Variants in LPO observed in about 807,000 individuals in gnomAD.
LPO encodes lactoperoxidase.
Under a neutral mutation model 68.4 loss-of-function variants are expected in LPO, and 70 were observed. The ratio of observed to expected loss-of-function variants is 1.02; its 90% CI spans 0.84 to 1.25. The LOEUF (loss-of-function observed/expected upper bound fraction) is 1.25, where lower values mean the gene tolerates loss of function less well. Among genes scored for constraint, LPO ranks in the 50% most tolerant of loss-of-function variants. LPO has a pLI of 0.00. For synonymous variants in LPO, 360 were observed against 357.6 expected (o/e 1.01, Z -0.08); for missense variants, 873 against 908.4 (o/e 0.96, Z 0.50).
intron 9 of LPO, among the ~76,000 whole-genome samples, chr17:58,263,269 T>G (rs995505331): frequency 4.5e-4 from 69 of 152,388 alleles, no homozygotes; most frequent in African/African-American, 1.6e-3. Context: ...TTATAATGGC[T>G]GCTTTTAAAA....
chr17:58,239,574 G>A (rs1969717021), intron 1 of LPO, among the ~76,000 whole-genome samples: 1 of 151,868 alleles, frequency 6.6e-6, no homozygotes, highest in South Asian at 2.1e-4. Context: ...TTTCCTATTG[G>A]CTCACTCCAC....
chr17:58,266,694 C>A (rs575326572), intron 11 of LPO, among the ~76,000 whole-genome samples: 2 of 152,174 alleles, frequency 1.3e-5, no homozygotes, highest in Non-Finnish European at 1.5e-5. Context: ...TGGGCTCAAG[C>A]AATCTCCCAC....
chr17:58,264,970 A>G lies in LPO; in HGVS notation c.1515A>G (p.Lys505=), dbSNP rs777674692. The G allele has an allele frequency of 2.2e-5, 35 of 1,614,012 alleles. No homozygotes were observed. In the South Asian group the frequency reaches 3.6e-4, roughly 17 times the overall value. ...TLFFNTWRMV[K]DGGIDPLVRG... ...TCTTCAACACTTGGAGGATGGTCAA[A>G]GATGGTATGCCCTTTCAGGGAAGTG... Residue 505 remains lysine, a synonymous_variant, in exon 10 of 13, where the codon AAA becomes AAG. Transcript: ENST00000262290.
chr17:58,265,002 C>T (rs981005888), intron 10 of LPO, 28 bp downstream of exon 10: 10 of 1,610,456 alleles, frequency 6.2e-6, no homozygotes, highest in Non-Finnish European at 6.8e-6. Flanking sequence ...AGTGCTGTCA[C>T]CTGGGTCTCC....
Position 58,244,704 on chromosome 17 carries a change from A to G in LPO, c.164+623A>G, listed in dbSNP as rs988546705. ...CAGTCAGACATGGCTGCAGGCTTGCAGGTGGCTGAGAGGTGTTGTGGCACA... is the reference window on the plus strand; with the variant it reads ...CAGTCAGACATGGCTGCAGGCTTGCGGGTGGCTGAGAGGTGTTGTGGCACA... On this transcript the variant is annotated intron_variant, in intron 3 of 12. Coordinates refer to ENST00000262290, the MANE Select transcript of LPO (RefSeq NM_006151.3). Among the ~76,000 whole-genome samples the G allele has an allele frequency of 3.3e-5, 5 of 152,244 alleles. No individual in the cohort carries two copies. The South Asian group carries it at 1.0e-3, about 31-fold the overall frequency.
intron 9 of LPO, among the ~76,000 whole-genome samples, chr17:58,263,055 T>C (rs1393697590): frequency 6.6e-6 from 1 of 152,252 alleles, no homozygotes; most frequent in African/African-American, 2.4e-5. Flanking sequence ...GTTGTTCAGA[T>C]TGAGTAAATT....
In LPO at chr17:58,243,995, G is replaced by T. The variant is rs530954271; in HGVS notation, c.78G>T (p.Ala26=). 3.1e-6 allele frequency: 5 copies of T among 1,613,088 alleles called. No homozygotes were observed. Among genetic ancestry groups the T allele is most frequent in the Non-Finnish European group, 4.2e-6 (5 of 1,179,394 alleles). The change falls in exon 3 of 13, where the codon GCG becomes GCT. Residue 26 remains alanine (A), a splice_region_variant and synonymous_variant. Coordinates refer to ENST00000262290, the MANE Select transcript of LPO (RefSeq NM_006151.3). ...CCTGCTCCCCACTCCAACCCCAAGC[G>T]CAGACTACCAGAACCTCTGCCATCT... ...LLQAAASTTR[A]QTTRTSAISD...
chr17:58,267,753 A>C, intron 12 of LPO, 34 bp from the exon 13 acceptor site: 1 of 1,597,776 alleles, frequency 6.3e-7, no homozygotes, highest in Non-Finnish European at 8.6e-7. Flanking sequence ...GCCAGCGGCC[A>C]GACTGTGGAG....
intron 8 of LPO, among the ~76,000 whole-genome samples, chr17:58,253,101 C>G (rs1464330139): frequency 1.3e-5 from 2 of 151,250 alleles, no homozygotes; most frequent in Non-Finnish European, 2.9e-5. Context: ...TCCCACTACC[C>G]ACCAATAATC....
chr17:58,247,407 C>A, intron 3 of LPO, 71 bp from the exon 4 acceptor site: 1 of 1,435,054 alleles, frequency 7.0e-7, no homozygotes, highest in East Asian at 2.4e-5. Context: ...ACACCCCTCC[C>A]ACCCCTCCAG....
Position 58,250,559 on chromosome 17 carries a change from G to C in LPO, c.718G>C (p.Glu240Gln), listed in dbSNP as rs150076343. 60 of 1,613,978 alleles carry C rather than the reference G, an allele frequency of 3.7e-5. No individual in the cohort carries two copies. The highest frequency in any genetic ancestry group is 4.5e-5 in the Non-Finnish European group (53 of 1,180,024). ...CCCTGACACCGAGCTGGGGAGTAGCGAGTACTCCAAAGCCCAGTGTGATGA... is the reference window on the plus strand; with the variant it reads ...CCCTGACACCGAGCTGGGGAGTAGCCAGTACTCCAAAGCCCAGTGTGATGA... ...FAPDTELGSS[E>Q]YSKAQCDEYC... Residue 240 changes from glutamate (E) to glutamine (Q), a missense_variant, in exon 7 of 13, where the codon GAG becomes CAG. Physicochemically the swap from Glu to Gln is conservative, Grantham distance 29. Transcript: ENST00000262290.
intron 5 of LPO, 150 bp downstream of exon 5, chr17:58,249,327 C>G: frequency 1.0e-5 from 9 of 877,452 alleles, no homozygotes; most frequent in Non-Finnish European, 1.5e-5. Context: ...CTCAAGATCG[C>G]GCGTCTCCAG....
chr17:58,239,738 C>A (rs1346408127), intron 1 of LPO, among the ~76,000 whole-genome samples: 4 of 152,152 alleles, frequency 2.6e-5, no homozygotes, highest in African/African-American at 9.7e-5. Flanking sequence ...TGCAGACCAG[C>A]AACATCATCA....
At chr17:58,253,504 C>A (rs557284222) in intron 8 of LPO, among the ~76,000 whole-genome samples, 1 of 152,270 alleles carries the variant, frequency 6.6e-6, no homozygotes, top group East Asian at 1.9e-4. Flanking sequence ...CTTTTTATAA[C>A]CTGGGGACAA....
chr17:58,266,374 T>C, intron 11 of LPO, 48 bp downstream of exon 11: 1 of 1,586,762 alleles, frequency 6.3e-7, no homozygotes, highest in Middle Eastern at 2.0e-4. Context: ...TAGCTAACTT[T>C]CTAGGGCTCC....
At chr17:58,253,458 G>A (rs1201067149) in intron 8 of LPO, among the ~76,000 whole-genome samples, 1 of 152,168 alleles carries the variant, frequency 6.6e-6, no homozygotes, top group Non-Finnish European at 1.5e-5. Flanking sequence ...CCCAGAAGAG[G>A]AAGTTCTAGA....
At chr17:58,263,078 C>G (rs1438839637) in intron 9 of LPO, among the ~76,000 whole-genome samples, 1 of 152,118 alleles carries the variant, frequency 6.6e-6, no homozygotes, top group Non-Finnish European at 1.5e-5. Context: ...ATTGATCTGT[C>G]TCCAATTCTA....
intron 9 of LPO, among the ~76,000 whole-genome samples, chr17:58,259,507 C>T (rs1302423388): frequency 6.6e-6 from 1 of 152,132 alleles, no homozygotes; most frequent in Non-Finnish European, 1.5e-5. Flanking sequence ...ATACAGTAAG[C>T]CTTAAAACAC....
intron 1 of LPO, among the ~76,000 whole-genome samples, chr17:58,241,995 C>T (rs1969768513): frequency 6.6e-6 from 1 of 152,188 alleles, no homozygotes; most frequent in African/African-American, 2.4e-5. Flanking sequence ...AGGCTGCTCT[C>T]CTTAGTGTGC....
Sources: allele counts gnomAD v4.1 joint callset (sites outside exome capture counted in the v4.1 genomes callset), GRCh38; gene constraint gnomAD v4.1.1; transcripts MANE v1.5; gene names NCBI Gene and HGNC (gene_info 2026-07-23, HGNC 2026-07-21).